Variants in MRE11 observed in about 807,000 individuals in gnomAD.
MRE11 encodes the protein MRE11 double strand break repair nuclease.
In MRE11, 62 loss-of-function variants were observed where a neutral mutation model predicts 91.7. The observed-to-expected ratio is 0.68, with a 90% CI of 0.55 to 0.84. The LOEUF (loss-of-function observed/expected upper bound fraction) is 0.84, where lower values mean the gene tolerates loss of function less well. Ranked by LOEUF, MRE11 falls within the 40% of genes least tolerant of loss-of-function variation. The pLI, the probability that MRE11 is intolerant of heterozygous loss-of-function variation, is 0.00. For missense variants in MRE11, 796 were observed against 852.9 expected (o/e 0.93, Z 0.83); for synonymous variants, 273 against 271.4 (o/e 1.01, Z -0.06).
chr11:94,510,981 C>T, the MRE11 span, among the ~76,000 whole-genome samples: 1 of 152,100 alleles, frequency 6.6e-6, no homozygotes, highest in Admixed American at 6.5e-5. Context: ...GCTCCTGACA[C>T]AAAGCAGTCA....
rs774277300 is a variant in MRE11 at position 94,447,276 on chromosome 11, G to C, written c.1726C>G (p.Arg576Gly). The change falls in exon 15 of 20, where the codon CGA (arginine) becomes GGA (glycine). Residue 576 changes from arginine to glycine, a missense_variant. Coordinates refer to ENST00000323929, the MANE Select transcript of MRE11 (RefSeq NM_005591.4). Reference sequence around the variant, plus strand: ...GAATTCTGCCCTCTTCCACCTCTTCGACCTCTTCCTCGGCCTCTTCCTTTG... The same window carrying C: ...GAATTCTGCCCTCTTCCACCTCTTCCACCTCTTCCTCGGCCTCTTCCTTTG... ...TNKGRGRGRGRRGGRGQNSAS... is the reference protein window; with the variant it reads ...TNKGRGRGRGGRGGRGQNSAS... 49 of 1,613,820 alleles carry C rather than the reference G, an allele frequency of 3.0e-5. No homozygotes were observed. The African/African-American group carries it at 3.3e-4, about 11-fold the overall frequency.
chr11:94,496,483 T>C (rs1251895619), upstream of MRE11: 2 of 485,412 alleles, frequency 4.1e-6, no homozygotes, highest in East Asian at 6.5e-5. Flanking sequence ...ATGTAAGGGA[T>C]ATCATGAGAA....
At chr11:94,441,080 A>AC (rs1490393868) in intron 16 of MRE11, among the ~76,000 whole-genome samples, 1 of 151,756 alleles carries the variant, frequency 6.6e-6, no homozygotes, top group Admixed American at 6.6e-5. Flanking sequence ...TAGAATGCAA[A>AC]CCCCCCACTT....
chr11:94,509,914 G>A, the MRE11 span, among the ~76,000 whole-genome samples: 1 of 151,996 alleles, frequency 6.6e-6, no homozygotes, highest in African/African-American at 2.4e-5. Context: ...CGCTACATTT[G>A]GGTTATATTT....
chr11:94,436,011 A>T, intron 17 of MRE11, 112 bp from the exon 18 acceptor site: 1 of 953,710 alleles, frequency 1.0e-6, no homozygotes, highest in Non-Finnish European at 1.7e-6. Context: ...TGAGCCACAA[A>T]AAAGGAGACA....
intron 3 of MRE11, among the ~76,000 whole-genome samples, chr11:94,490,493 G>A (rs753440743): frequency 5.3e-5 from 8 of 152,196 alleles, no homozygotes; most frequent in Non-Finnish European, 1.0e-4. Flanking sequence ...TCTGTGGATT[G>A]TGGATATTTG....
rs1277391215 is a variant in MRE11 at position 94,460,806 on chromosome 11, G to C, written c.1326+130C>G. The C allele has an allele frequency of 5.2e-6, 4 of 768,530 alleles. No homozygotes were observed. The African/African-American group carries it at 7.0e-5, about 13-fold the overall frequency. The allele number at this position is 768,530 out of a possible 1,614,324, so 47.6% of individuals were successfully genotyped here. ...CAACTGCAAATGAATGTAATTAATT[G>C]TCACCCTACTTACTTCATAGAAACA... On this transcript the variant is annotated intron_variant, in intron 12 of 19. Transcript: ENST00000323929.
chr11:94,476,190 C>T (rs1461927033), intron 7 of MRE11, 99 bp downstream of exon 7: 6 of 750,920 alleles, frequency 8.0e-6, no homozygotes, highest in Non-Finnish European at 1.4e-5. Context: ...CATTGACAAC[C>T]TTGAAAGATT....
intron 3 of MRE11, among the ~76,000 whole-genome samples, chr11:94,490,568 C>T (rs1002964189): frequency 3.3e-5 from 5 of 152,274 alleles, no homozygotes; most frequent in East Asian, 1.9e-4. Context: ...CCTTACATTT[C>T]GAATAGACAC....
At chr11:94,498,796 G>T, upstream of MRE11, 1 of 418,806 alleles carries the variant, frequency 2.4e-6, no homozygotes, top group Non-Finnish European at 4.3e-6. Context: ...CTTGACACGG[G>T]TTGTACAGAA....
At chr11:94,440,648 G>A (rs190555925) in intron 16 of MRE11, among the ~76,000 whole-genome samples, 19 of 152,330 alleles carry the variant, frequency 1.2e-4, no homozygotes, top group South Asian at 2.1e-4. Context: ...TGAAAACCCC[G>A]ATGCATTTCC....
At chr11:94,502,594 TA>T in the MRE11 span, among the ~76,000 whole-genome samples, 1 of 152,242 alleles carries the variant, frequency 6.6e-6, no homozygotes, top group South Asian at 2.1e-4. Flanking sequence ...TATCTACTTT[TA>T]AATATGCTTG....
chr11:94,443,892 T>G (rs1037219020), intron 16 of MRE11, among the ~76,000 whole-genome samples: 2 of 151,188 alleles, frequency 1.3e-5, no homozygotes, highest in East Asian at 3.9e-4. Context: ...AGGTTAGATA[T>G]CCTAAATCCT....
At chr11:94,427,218 G>A (rs1945346819) in intron 19 of MRE11, among the ~76,000 whole-genome samples, 1 of 152,002 alleles carries the variant, frequency 6.6e-6, no homozygotes, top group Admixed American at 6.5e-5. Flanking sequence ...CTTTATTCTT[G>A]GGATACAAGG....
intron 7 of MRE11, among the ~76,000 whole-genome samples, chr11:94,474,259 A>G (rs1238489599): frequency 6.6e-6 from 1 of 152,136 alleles, no homozygotes; most frequent in Non-Finnish European, 1.5e-5. Flanking sequence ...ACAAGAGCCA[A>G]GAGCCTAGAC....
intron 7 of MRE11, chr11:94,475,412 C>T (rs1946825959): frequency 6.1e-6 from 2 of 327,258 alleles, no homozygotes; most frequent in South Asian, 5.2e-5. Context: ...CTGGACCGAA[C>T]ACCCCCCGTG....
Position 94,419,963 on chromosome 11 carries a change from A to C in MRE11, c.*162T>G, listed in dbSNP as rs555760913. The C allele has an allele frequency of 1.9e-6, 1 of 530,554 alleles. No homozygotes were observed. The highest frequency in any genetic ancestry group is 3.3e-6 in the Non-Finnish European group (1 of 300,904). 32.9% of individuals were successfully genotyped at this position (530,554 alleles called of 1,614,324 possible). A position where few individuals can be genotyped will look rare whatever the true frequency, so the allele number is the denominator to read the frequency against. On this transcript the variant is annotated 3_prime_UTR_variant, in exon 20 of 20. Coordinates refer to ENST00000323929, the MANE Select transcript of MRE11 (RefSeq NM_005591.4). The stretch of plus-strand genomic sequence containing the variant: ...CTTACTACAACAACCAGGTTAAAAA[A>C]ACAAGGTGAATCAATGCTATTGTAT...
intron 4 of MRE11, among the ~76,000 whole-genome samples, chr11:94,484,298 A>G (rs1041297460): frequency 1.6e-4 from 25 of 152,362 alleles, no homozygotes; most frequent in African/African-American, 6.0e-4. Context: ...ATCCCAATTA[A>G]TACATGTAGA....
chr11:94,421,155 G>A (rs1354430918), intron 19 of MRE11, among the ~76,000 whole-genome samples: 1 of 151,958 alleles, frequency 6.6e-6, no homozygotes, highest in Non-Finnish European at 1.5e-5. Context: ...CCTCAGATAA[G>A]CCCAATTATA....
Sources: gnomAD v4.1 joint callset for allele counts (sites outside exome capture counted in the v4.1 genomes callset) on GRCh38, gnomAD v4.1.1 for gene constraint, MANE v1.5 for transcripts, NCBI Gene and HGNC (gene_info 2026-07-23, HGNC 2026-07-21) for gene names.